Variants in RIPK4 observed in about 807,000 individuals in gnomAD.
RIPK4 encodes the protein receptor-interacting serine/threonine-protein kinase 4.
Under a neutral mutation model 42.9 loss-of-function variants are expected in RIPK4, and 17 were observed. The observed-to-expected ratio is 0.40, with a 90% CI of 0.27 to 0.59. The LOEUF is 0.59. Ranked by LOEUF, RIPK4 falls within the 20% of genes least tolerant of loss-of-function variation. The probability of loss-of-function intolerance (pLI) is 0.47; values close to 1 mark genes in which losing one functional copy is unlikely to be tolerated. For missense variants in RIPK4, 897 were observed against 1,104.4 expected, an observed-to-expected ratio of 0.81 and a Z score of 2.66; for synonymous variants, 498 against 499.1, an observed-to-expected ratio of 1.00 and a Z score of 0.03.
intron 1 of RIPK4, among the ~76,000 whole-genome samples, chr21:41,760,909 C>T (rs950721983): frequency 5.9e-5 from 9 of 152,186 alleles, no homozygotes; most frequent in Non-Finnish European, 1.2e-4. Flanking sequence ...GCTTTCCTAG[C>T]GCTCTGGTTA....
At chr21:41,759,372 A>G (rs1266950859) in intron 1 of RIPK4, among the ~76,000 whole-genome samples, 1 of 152,142 alleles carries the variant, frequency 6.6e-6, no homozygotes, top group Admixed American at 6.5e-5. Context: ...GATTACAGGC[A>G]TGAGTCACCG....
rs2146055397 is a variant in RIPK4 at position 41,755,065 on chromosome 21, C to A, written c.474+1460G>T. 6.6e-6 allele frequency among the ~76,000 whole-genome samples: 1 copy of A among 152,176 alleles called. No individual in the cohort carries two copies. Among genetic ancestry groups the A allele is most frequent in the South Asian group, 2.1e-4 (1 of 4,812 alleles). ...GGCAGAGCTTACTAGTCATTAGGGC[C>A]CCAGAGCCTGTGCTACCTAGAAACA... is the stretch of plus-strand genomic sequence containing the variant. On this transcript the variant is annotated intron_variant, in intron 2 of 7. Coordinates refer to ENST00000332512, the MANE Select transcript of RIPK4 (RefSeq NM_020639.3). This position sits in a 1 kb window ranked among gnomAD's most constrained non-coding sequence, Gnocchi z 4.2.
rs757064211 is a variant in RIPK4 at position 41,741,299 on chromosome 21, C to T, written c.1894G>A (p.Val632Ile). 1.4e-5 allele frequency: 23 copies of T among 1,608,066 alleles called. No individual in the cohort carries two copies. Among genetic ancestry groups the T allele is most frequent in the Middle Eastern group, 3.3e-4 (2 of 6,082 alleles). ...ILIDLCSDVNVCSLLAQTPLH... is the reference protein window; with the variant it reads ...ILIDLCSDVNICSLLAQTPLH... Reference sequence around the variant, plus strand: ...GGTGTCTGTGCCAGCAGGCTGCAGACGTTGACGTCGGAGCACAGGTCGATG... The same window carrying T: ...GGTGTCTGTGCCAGCAGGCTGCAGATGTTGACGTCGGAGCACAGGTCGATG... Residue 632 changes from valine to isoleucine, a missense_variant, in exon 8 of 8, where the codon GTC (valine) becomes ATC (isoleucine). Physicochemically the swap from Val to Ile is conservative, Grantham distance 29. Coordinates refer to ENST00000332512, the MANE Select transcript of RIPK4 (RefSeq NM_020639.3).
rs536984991 is a variant in RIPK4, at chr21:41,742,009, G to C, written c.1196-12C>G. 6.4e-6 allele frequency: 10 copies of C among 1,569,582 alleles called. No homozygotes were observed. The Admixed American group carries it at 1.8e-4, about 28-fold the overall frequency. ...TGTGGTGCCCAGATCTGCAGGGAGAGGAGAGGCAAAGGTCAGAGCGTGGCT... is the reference window on the plus strand; with the variant it reads ...TGTGGTGCCCAGATCTGCAGGGAGACGAGAGGCAAAGGTCAGAGCGTGGCT... On this transcript the variant is annotated splice_polypyrimidine_tract_variant and intron_variant, in intron 7 of 7. Transcript: ENST00000332512. The surrounding 1 kb of genome is among the most constrained non-coding windows in gnomAD (Gnocchi z 5.1).
chr21:41,752,348 GCTGCTGTCAT>G, intron 2 of RIPK4, among the ~76,000 whole-genome samples: 1 of 152,194 alleles, frequency 6.6e-6, no homozygotes, highest in Non-Finnish European at 1.5e-5. Context: ...AGCCAATAGG[GCTGCTGTCAT>G]CAGCACCAAA....
chr21:41,749,293 G>T, intron 3 of RIPK4, 90 bp from the exon 4 acceptor site: 2 of 1,265,962 alleles, frequency 1.6e-6, no homozygotes, highest in Non-Finnish European at 2.3e-6. Flanking sequence ...GAAGACACCT[G>T]TTCTGAAGCC....
intron 6 of RIPK4, among the ~76,000 whole-genome samples, chr21:41,744,594 C>T (rs1054593540): frequency 4.6e-5 from 7 of 152,260 alleles, no homozygotes; most frequent in African/African-American, 9.6e-5. Flanking sequence ...AGTAACACTG[C>T]ACAGAGCGTC....
Position 41,741,361 on chromosome 21 carries a change from G to T in RIPK4, c.1832C>A (p.Ala611Asp). ...CACGCGGTAGTGCCCGCGCTGTGCG[G>T]CCAGGTGCAATGGCGTCCTCCCATC... ...TLDGRTPLHL[A>D]AQRGHYRVAR... The change falls in exon 8 of 8, where the codon GCC (alanine) becomes GAC (aspartate). Residue 611 changes from alanine to aspartate, a missense_variant. Coordinates refer to ENST00000332512, the MANE Select transcript of RIPK4 (RefSeq NM_020639.3). 6.2e-7 allele frequency: 1 copy of T among 1,611,732 alleles called. No homozygotes were observed.
intron 5 of RIPK4, 76 bp from the exon 6 acceptor site, chr21:41,745,938 C>G: frequency 8.5e-7 from 1 of 1,174,358 alleles, no homozygotes; most frequent in Non-Finnish European, 1.3e-6. Context: ...AAACGCAGGG[C>G]CCCCACGAGC....
intron 1 of RIPK4, among the ~76,000 whole-genome samples, chr21:41,766,112 C>T (rs574882740): frequency 6.6e-6 from 1 of 152,356 alleles, no homozygotes; most frequent in African/African-American, 2.4e-5. Flanking sequence ...ATGCAAGGCC[C>T]TTCCCTAGCG....
intron 3 of RIPK4, among the ~76,000 whole-genome samples, chr21:41,749,528 T>A (rs1181028830): frequency 6.6e-6 from 1 of 152,214 alleles, no homozygotes; most frequent in African/African-American, 2.4e-5. Flanking sequence ...CTCACTGATA[T>A]CTTCTCGCAA....
rs149475741 is a variant in RIPK4 at position 41,741,123 on chromosome 21, G to A, written c.2070C>T (p.Val690=). 9.9e-4 allele frequency: 1,592 copies of A among 1,612,772 alleles called. 11 individuals carry two copies. Among genetic ancestry groups the A allele is most frequent in the African/African-American group, 1.9e-3 (144 of 75,034 alleles). ...GGGCCAGCACATCGGCCTTCTCCTC[G>A]ACAAGCAGCTTGACAGTGGCCAGGT... ...NGHLATVKLL[V]EEKADVLARG... Residue 690 remains valine, a synonymous_variant, in exon 8 of 8, where the codon GTC becomes GTT. Coordinates refer to ENST00000332512, the MANE Select transcript of RIPK4 (RefSeq NM_020639.3).
chr21:41,746,799 G>A lies in RIPK4; in HGVS notation c.674-28C>T, dbSNP rs775637459. On this transcript the variant is annotated intron_variant, in intron 4 of 7. Transcript: ENST00000332512. ...GCCAAGGGAAGGATGCGAGTCAGGG[G>A]CTCTGCAGGGCTGGGTGGCAGCATC... 1.4e-5 allele frequency: 21 copies of A among 1,547,988 alleles called. No individual in the cohort carries two copies. The Admixed American group carries it at 2.9e-4, about 22-fold the overall frequency.
Position 41,751,078 on chromosome 21 carries a change from G to T in RIPK4, c.623+19C>A. 6.2e-7 allele frequency: 1 copy of T among 1,607,062 alleles called. No homozygotes were observed. The highest frequency in any genetic ancestry group is 8.5e-7 in the Non-Finnish European group (1 of 1,175,490). On this transcript the variant is annotated intron_variant, in intron 3 of 7. Transcript: ENST00000332512. The surrounding 1 kb of genome is among the most constrained non-coding windows in gnomAD (Gnocchi z 4.5). ...AGCCCCTGGCACCCACAGGGGATGG[G>T]GGGCGGCATGTCACACACCTGTATA...
chr21:41,765,460 G>A (rs765132011), intron 1 of RIPK4, among the ~76,000 whole-genome samples: 4 of 152,214 alleles, frequency 2.6e-5, no homozygotes, highest in Non-Finnish European at 4.4e-5. Context: ...CTGGATTTGA[G>A]GGTTACGGCA....
At chr21:41,766,580 G>A (rs2061237449) in intron 1 of RIPK4, among the ~76,000 whole-genome samples, 1 of 152,086 alleles carries the variant, frequency 6.6e-6, no homozygotes, top group Non-Finnish European at 1.5e-5. Context: ...GGCAGACGCG[G>A]CCCCCGAGGA....
intron 7 of RIPK4, among the ~76,000 whole-genome samples, chr21:41,743,140 G>A (rs1378882909): frequency 6.6e-6 from 1 of 151,776 alleles, no homozygotes; most frequent in Non-Finnish European, 1.5e-5. Flanking sequence ...TTGGCCCTCA[G>A]CCCCCGTGGC....
At chr21:41,762,790 C>CATT (rs3033486) in intron 1 of RIPK4, among the ~76,000 whole-genome samples, 90,739 of 151,686 alleles carry the variant, frequency 0.6, 27,547 homozygotes, top group Non-Finnish European at 0.64. Context: ...TTACTATTAT[C>CATT]ATTTTAACAC....
At position 41,741,902 on chromosome 21, in the gene RIPK4, C is replaced by T. The variant is rs373352189; in HGVS notation, c.1291G>A (p.Val431Met). ...GCACCGCTGTCCAGTGCCAGGTCCA[C>T]GTCCTGCGGCTGCAGGATCTTCATC... ...KLMKILQPQD[V>M]DLALDSGASL... The change falls in exon 8 of 8, where the codon GTG becomes ATG. Residue 431 changes from valine to methionine, a missense_variant. Physicochemically the swap from Val to Met is conservative, Grantham distance 21. Transcript: ENST00000332512. 12 of 1,613,466 alleles carry T rather than the reference C, an allele frequency of 7.4e-6. No homozygotes were observed. The highest frequency in any genetic ancestry group is 2.7e-5 in the African/African-American group (2 of 74,948).
Sources: allele counts gnomAD v4.1 joint callset (sites outside exome capture counted in the v4.1 genomes callset), GRCh38; gene constraint gnomAD v4.1.1; non-coding constraint Gnocchi (gnomAD v3.1); transcripts MANE v1.5; gene names NCBI Gene and HGNC (gene_info 2026-07-23, HGNC 2026-07-21).